MIX23: variants seen among roughly 807,000 people sequenced by gnomAD.
MIX23 encodes mitochondrial matrix import factor 23.
MIX23 carries 13 observed loss-of-function variants against 21.6 expected under a neutral mutation model. That is an observed-to-expected ratio of 0.60 (90% CI 0.39 to 0.96). The LOEUF (loss-of-function observed/expected upper bound fraction) is 0.96. MIX23 is among the 40% of genes least tolerant of loss of function. The pLI, the probability that MIX23 is intolerant of heterozygous loss-of-function variation, is 0.00. For synonymous variants in MIX23, 59 were observed against 58.0 expected, an observed-to-expected ratio of 1.02 and a Z score of -0.08; for missense variants, 144 against 171.2, an observed-to-expected ratio of 0.84 and a Z score of 0.89.
chr3:122,373,172 T>C, intron 1 of MIX23: 1 of 276,482 alleles, frequency 3.6e-6, no homozygotes, highest in South Asian at 3.9e-5. Context: ...TACACATACC[T>C]ATTAATGTTT....
At chr3:122,362,890 T>C in intron 4 of MIX23, 78 bp downstream of exon 4, 1 of 1,151,156 alleles carries the variant, frequency 8.7e-7, no homozygotes, top group South Asian at 1.2e-5. Flanking sequence ...AGGCACTCTT[T>C]ACTCCCCCTC....
chr3:122,383,035 A>G (rs1287792865), intron 1 of MIX23, 139 bp downstream of exon 1: 1 of 1,144,172 alleles, frequency 8.7e-7, no homozygotes, highest in Non-Finnish European at 1.3e-6. Flanking sequence ...CGCGCCCCCC[A>G]TGACCTCCAA....
intron 1 of MIX23, among the ~76,000 whole-genome samples, chr3:122,374,243 C>T (rs1188966601): frequency 6.6e-6 from 1 of 151,962 alleles, no homozygotes; most frequent in Admixed American, 6.6e-5. Flanking sequence ...GTTATGAAAG[C>T]CCTCAGCAAT....
intron 4 of MIX23, among the ~76,000 whole-genome samples, chr3:122,361,560 C>T (rs2075359174): frequency 6.6e-6 from 1 of 152,084 alleles, no homozygotes; most frequent in Non-Finnish European, 1.5e-5. Context: ...GTGGATAGAA[C>T]ATATTTTCTT....
intron 1 of MIX23, among the ~76,000 whole-genome samples, chr3:122,377,342 C>T (rs2075495913): frequency 2.0e-5 from 3 of 152,162 alleles, no homozygotes; most frequent in African/African-American, 7.2e-5. Flanking sequence ...GCCAGTCTGA[C>T]ACTGATCGGG....
chr3:122,372,942 G>A (rs748111207), intron 1 of MIX23: 5 of 363,024 alleles, frequency 1.4e-5, no homozygotes, highest in South Asian at 2.3e-5. Context: ...TAAAAGCAAC[G>A]TTTGATTCTT....
At chr3:122,375,334 T>C (rs969262589) in intron 1 of MIX23, among the ~76,000 whole-genome samples, 9 of 152,138 alleles carry the variant, frequency 5.9e-5, no homozygotes, top group African/African-American at 9.7e-5. Context: ...TGGGGGAGAC[T>C]GGGGAAGGAA....
intron 1 of MIX23, among the ~76,000 whole-genome samples, chr3:122,381,591 G>C (rs1285924169): frequency 6.6e-6 from 1 of 152,048 alleles, no homozygotes; most frequent in East Asian, 1.9e-4. Flanking sequence ...AACCGGGCAC[G>C]GTGGTAGGCG....
At chr3:122,377,716 C>T (rs1432700951) in intron 1 of MIX23, among the ~76,000 whole-genome samples, 1 of 152,090 alleles carries the variant, frequency 6.6e-6, no homozygotes, top group Non-Finnish European at 1.5e-5. Flanking sequence ...AGCATGGTGG[C>T]ATGTGCCTAC....
intron 1 of MIX23, among the ~76,000 whole-genome samples, chr3:122,382,343 T>C (rs1279008951): frequency 6.6e-6 from 1 of 152,236 alleles, no homozygotes; most frequent in Non-Finnish European, 1.5e-5. Context: ...CACGTGCCTG[T>C]AGTCCTAGCT....
intron 1 of MIX23, among the ~76,000 whole-genome samples, chr3:122,377,305 A>G (rs943957122): frequency 2.6e-5 from 4 of 152,228 alleles, no homozygotes; most frequent in South Asian, 2.1e-4. Context: ...ATATCTGAGT[A>G]GAAGAGTGGA....
Position 122,368,305 on chromosome 3 carries a change from G to T in MIX23, c.195C>A (p.Ala65=). ...AGTTTTTTATGACTCTGTCTCTACT[G>T]GCATGAGCTGCCATCAACTAAAAGA... ...QLYESLMAAH[A]SRDRVIKNCI... is the part of the protein sequence containing the mutation. Residue 65 remains alanine (A), a synonymous_variant, in exon 3 of 5, where the codon GCC becomes GCA. Coordinates refer to ENST00000291458, the MANE Select transcript of MIX23 (RefSeq NM_001017928.4). 6.3e-7 allele frequency: 1 copy of T among 1,588,382 alleles called. No homozygotes were observed. Among genetic ancestry groups the T allele is most frequent in the Non-Finnish European group, 8.5e-7 (1 of 1,174,324 alleles).
intron 1 of MIX23, among the ~76,000 whole-genome samples, chr3:122,372,673 T>A (rs527531706): frequency 8.7e-4 from 131 of 150,934 alleles, no homozygotes; most frequent in Middle Eastern, 3.4e-3. Flanking sequence ...AAAAAAAAAA[T>A]TTTTTTTAAT....
intron 4 of MIX23, among the ~76,000 whole-genome samples, chr3:122,362,096 C>CT (rs2075362455): frequency 6.6e-6 from 1 of 152,142 alleles, no homozygotes; most frequent in African/African-American, 2.4e-5. Flanking sequence ...TGAATTTTGA[C>CT]TATATGTTTC....
intron 3 of MIX23, chr3:122,365,722 C>T (rs537381804): frequency 6.6e-5 from 10 of 152,280 alleles, no homozygotes; most frequent in Non-Finnish European, 1.5e-4. Context: ...ACTTTGCTCT[C>T]CACTAATGAG....
chr3:122,359,632 T>A lies in MIX23; in HGVS notation c.*237A>T, dbSNP rs2075342219. 2 of 315,264 alleles carry A rather than the reference T, an allele frequency of 6.3e-6. No individual in the cohort carries two copies. Among genetic ancestry groups the A allele is most frequent in the Admixed American group, 4.9e-5 (1 of 20,454 alleles). The allele number at this position is 315,264 out of a possible 1,614,324, so 19.5% of individuals were successfully genotyped here. On this transcript the variant is annotated 3_prime_UTR_variant, in exon 5 of 5. Transcript: ENST00000291458. The stretch of plus-strand genomic sequence containing the variant: ...ATTATTTTAATAGTTACAAAAATTT[T>A]TTTTTTTTTTTTTTACAGAATCAGT...
Position 122,363,033 on chromosome 3 carries a change from AG to A in MIX23, c.325-7del. 6.2e-7 allele frequency: 1 copy of A among 1,603,062 alleles called. No homozygotes were observed. On this transcript the variant is annotated splice_polypyrimidine_tract_variant and splice_region_variant and intron_variant, in intron 3 of 4. Transcript: ENST00000291458. The stretch of plus-strand genomic sequence containing the variant: ...TCTGACTGCATCCATTTCAACTGCA[AG>A]AAAAAAAAAAATTGAAGTTATAAAA...
intron 1 of MIX23, among the ~76,000 whole-genome samples, chr3:122,376,117 C>T (rs1167720955): frequency 7.6e-6 from 1 of 131,868 alleles, no homozygotes; most frequent in Non-Finnish European, 1.6e-5. Context: ...GAGCCGAGAT[C>T]GTGCCACTGC....
chr3:122,359,620 T>C lies in MIX23; in HGVS notation c.*249A>G, dbSNP rs1404388912. ...CTGAGTCAGAAAATTATTTTAATAG[T>C]TACAAAAATTTTTTTTTTTTTTTTT... is the stretch of plus-strand genomic sequence containing the variant. On this transcript the variant is annotated 3_prime_UTR_variant, in exon 5 of 5. Transcript: ENST00000291458. 3.5e-6 allele frequency: 1 copy of C among 287,668 alleles called. No individual in the cohort carries two copies. The highest frequency in any genetic ancestry group is 6.2e-6 in the Non-Finnish European group (1 of 161,520). The allele number at this position is 287,668 out of a possible 1,614,324, so 17.8% of individuals were successfully genotyped here. A position where few individuals can be genotyped will look rare whatever the true frequency, so the allele number is the denominator to read the frequency against.
Sources: allele counts gnomAD v4.1 joint callset (sites outside exome capture counted in the v4.1 genomes callset), GRCh38; gene constraint gnomAD v4.1.1; transcripts MANE v1.5; gene names NCBI Gene and HGNC (gene_info 2026-07-23, HGNC 2026-07-21).